SEM1: variants seen among roughly 807,000 people sequenced by gnomAD.
SEM1 encodes 26S proteasome complex subunit SEM1.
Under a neutral mutation model 12.7 loss-of-function variants are expected in SEM1, and 3 were observed. That is an observed-to-expected ratio of 0.24 (90% CI 0.11 to 0.61). The LOEUF is 0.61. Ranked by LOEUF, SEM1 falls within the 20% of genes least tolerant of loss-of-function variation. The probability of loss-of-function intolerance (pLI) is 0.88; values close to 1 mark genes in which losing one functional copy is unlikely to be tolerated. For synonymous variants in SEM1, 30 were observed against 27.8 expected (o/e 1.08, Z -0.25); for missense variants, 59 against 81.3 (o/e 0.73, Z 1.06).
At chr7:96,592,580 G>A (rs992389690) in intron 2 of SEM1, among the ~76,000 whole-genome samples, 8 of 151,650 alleles carry the variant, frequency 5.3e-5, no homozygotes, top group Non-Finnish European at 1.0e-4. Context: ...CGGCTGTCAC[G>A]TGCTGTCTTC....
chr7:96,603,308 T>G (rs1196774075), intron 2 of SEM1, among the ~76,000 whole-genome samples: 1 of 152,164 alleles, frequency 6.6e-6, no homozygotes, highest in Admixed American at 6.5e-5. Context: ...ACACACTGAG[T>G]ATACTTACTA....
chr7:96,515,924 T>C (rs1563041161), intron 2 of SEM1, among the ~76,000 whole-genome samples: 1 of 152,118 alleles, frequency 6.6e-6, no homozygotes, highest in East Asian at 1.9e-4. Flanking sequence ...ATACCTAATG[T>C]AAATGATGAG....
At chr7:96,652,118 T>C (rs576544997) in intron 2 of SEM1, among the ~76,000 whole-genome samples, 1 of 152,364 alleles carries the variant, frequency 6.6e-6, no homozygotes, top group African/African-American at 2.4e-5. Context: ...TGTCTCTTCA[T>C]CTGCAGGATT....
At chr7:96,613,097 A>C (rs763483601) in intron 2 of SEM1, among the ~76,000 whole-genome samples, 2 of 152,170 alleles carry the variant, frequency 1.3e-5, no homozygotes, top group Non-Finnish European at 2.9e-5. Context: ...TTAATGGAAA[A>C]CCATGCATTG....
intron 1 of SEM1, among the ~76,000 whole-genome samples, chr7:96,702,865 T>G (rs544329375): frequency 3.2e-4 from 49 of 152,310 alleles, no homozygotes; most frequent in Non-Finnish European, 6.0e-4. Context: ...AGAACTTCTA[T>G]CATGAGGAAA....
chr7:96,559,167 C>G (rs1805618766), intron 2 of SEM1, among the ~76,000 whole-genome samples: 1 of 152,168 alleles, frequency 6.6e-6, no homozygotes, highest in African/African-American at 2.4e-5. Flanking sequence ...TCCCATCACT[C>G]AAAAACAATT....
At chr7:96,580,244 T>G (rs1247784990) in intron 2 of SEM1, among the ~76,000 whole-genome samples, 1 of 148,534 alleles carries the variant, frequency 6.7e-6, no homozygotes, top group Non-Finnish European at 1.5e-5. Flanking sequence ...CTTGTGATAG[T>G]TTACTGAGAA....
intron 2 of SEM1, among the ~76,000 whole-genome samples, chr7:96,534,519 G>A (rs1167428260): frequency 2.6e-5 from 4 of 152,158 alleles, no homozygotes; most frequent in Admixed American, 6.6e-5. Flanking sequence ...TAAGGTAATG[G>A]TATGACGAAC....
At chr7:96,506,232 G>A (rs925850903) in intron 3 of SEM1, among the ~76,000 whole-genome samples, 6 of 151,992 alleles carry the variant, frequency 3.9e-5, no homozygotes, top group South Asian at 2.1e-4. Flanking sequence ...CCACTTCTCC[G>A]AAGACCTCTG....
At chr7:96,682,970 G>A (rs1425057347) in intron 2 of SEM1, among the ~76,000 whole-genome samples, 3 of 151,972 alleles carry the variant, frequency 2.0e-5, no homozygotes, top group Non-Finnish European at 2.9e-5. Flanking sequence ...CTTTATCACT[G>A]GTCATTAGAG....
intron 3 of SEM1, among the ~76,000 whole-genome samples, chr7:96,503,265 T>A (rs1467787139): frequency 6.6e-6 from 1 of 152,134 alleles, no homozygotes; most frequent in Non-Finnish European, 1.5e-5. Context: ...GTTTTATAGT[T>A]ATTATTATTC....
At chr7:96,548,125 T>A (rs557292848) in intron 2 of SEM1, among the ~76,000 whole-genome samples, 13 of 152,180 alleles carry the variant, frequency 8.5e-5, no homozygotes, top group African/African-American at 2.6e-4. Flanking sequence ...AATAAAAAAA[T>A]TGAACATAAT....
At chr7:96,683,252 C>T (rs1789669009) in intron 2 of SEM1, among the ~76,000 whole-genome samples, 2 of 151,802 alleles carry the variant, frequency 1.3e-5, no homozygotes. Flanking sequence ...CAGAAGAAGA[C>T]ATTTATACAG....
rs1808553857 is a variant in SEM1 at position 96,640,361 on chromosome 7, G to T, written c.171-17718C>A. Among the ~76,000 whole-genome samples the T allele has an allele frequency of 1.3e-5, 2 of 151,904 alleles. No individual in the cohort carries two copies. Among genetic ancestry groups the T allele is most frequent in the South Asian group, 4.2e-4 (2 of 4,816 alleles). ...GTAGATGAATGAAAAATAAACTGTG[G>T]TACATAAAGATAATGGACTATTTTC... On this transcript the variant is annotated intron_variant, in intron 2 of 2. Transcript: ENST00000417009. The surrounding 1 kb of genome is among the most constrained non-coding windows in gnomAD (Gnocchi z 4.0).
chr7:96,585,228 G>A (rs534993476), intron 2 of SEM1, among the ~76,000 whole-genome samples: 25 of 152,294 alleles, frequency 1.6e-4, no homozygotes, highest in East Asian at 1.2e-3. Flanking sequence ...ATACCCTGCC[G>A]TGTGAGGTGT....
chr7:96,499,549 G>A (rs768957832), upstream of SEM1, among the ~76,000 whole-genome samples: 18 of 152,178 alleles, frequency 1.2e-4, no homozygotes, highest in African/African-American at 4.3e-4. Context: ...ATTTCAACGA[G>A]CATTTACTAA....
chr7:96,495,776 G>A (rs940298711), intron 1 of SEM1, among the ~76,000 whole-genome samples: 5 of 151,994 alleles, frequency 3.3e-5, no homozygotes, highest in East Asian at 1.9e-4. Flanking sequence ...CATACCCCTC[G>A]TGGCTGGTAT....
chr7:96,486,796 G>C (rs922405423), intron 1 of SEM1, among the ~76,000 whole-genome samples: 13 of 152,194 alleles, frequency 8.5e-5, no homozygotes, highest in Middle Eastern at 3.2e-3. Context: ...GTGTGTAGTT[G>C]CAGAAAGAGT....
In SEM1 at chr7:96,560,127, G is replaced by A. The variant is rs145532266; in HGVS notation, c.171-53429C>T. On this transcript the variant is annotated intron_variant and NMD_transcript_variant, in intron 2 of 3. Coordinates refer to the SEM1 transcript ENST00000466986. Reference sequence around the variant, plus strand: ...TTGCTTCAGATTCCTATTATAAATAGTTCCGCAATGAGCATCTTTATTTTT... The same window carrying A: ...TTGCTTCAGATTCCTATTATAAATAATTCCGCAATGAGCATCTTTATTTTT... Among the ~76,000 whole-genome samples, 5 of 152,142 alleles carry A rather than the reference G, an allele frequency of 3.3e-5. No individual in the cohort carries two copies. The East Asian group carries it at 7.7e-4, about 23-fold the overall frequency.
Sources: allele counts gnomAD v4.1 joint callset (sites outside exome capture counted in the v4.1 genomes callset), GRCh38; gene constraint gnomAD v4.1.1; non-coding constraint Gnocchi (gnomAD v3.1); transcripts MANE v1.5; gene names NCBI Gene and HGNC (gene_info 2026-07-23, HGNC 2026-07-21).